SH2D4B: variants seen among roughly 807,000 people sequenced by gnomAD.
SH2D4B encodes SH2 domain-containing protein 4B.
In SH2D4B, 45 loss-of-function variants were observed where a neutral mutation model predicts 61.5. The ratio of observed to expected loss-of-function variants is 0.73; its 90% CI spans 0.58 to 0.94. The LOEUF (loss-of-function observed/expected upper bound fraction) is 0.94. Ranked by LOEUF, SH2D4B falls within the 40% of genes least tolerant of loss-of-function variation. The pLI is 0.00. For synonymous variants in SH2D4B, 224 were observed against 220.4 expected (o/e 1.02, Z -0.14); for missense variants, 572 against 574.2 (o/e 1.00, Z 0.04).
intron 1 of SH2D4B, 34 bp from the exon 2 acceptor site, chr10:80,570,120 A>C (rs1487550878): frequency 6.2e-7 from 1 of 1,613,412 alleles, no homozygotes; most frequent in African/African-American, 1.3e-5. Flanking sequence ...ATTGAAAATC[A>C]AACTTGTTTC....
intron 6 of SH2D4B, among the ~76,000 whole-genome samples, chr10:80,615,977 C>T (rs769454211): frequency 6.6e-6 from 1 of 152,144 alleles, no homozygotes; most frequent in Admixed American, 6.5e-5. Context: ...CATGGTGGCA[C>T]ATCAGGAACC....
At chr10:80,571,317 A>G in intron 2 of SH2D4B, 114 bp from the exon 3 acceptor site, 2 of 1,249,798 alleles carry the variant, frequency 1.6e-6, no homozygotes, top group Non-Finnish European at 2.2e-6. Context: ...CTTTGCCAAC[A>G]CCGAATTCTG....
chr10:80,599,229 C>A (rs1589351185), intron 4 of SH2D4B, among the ~76,000 whole-genome samples: 1 of 151,982 alleles, frequency 6.6e-6, no homozygotes, highest in Non-Finnish European at 1.5e-5. Context: ...AGAGTCTGGG[C>A]TGGGAGTGGA....
intron 3 of SH2D4B, among the ~76,000 whole-genome samples, chr10:80,586,183 G>A (rs991827826): frequency 3.9e-5 from 6 of 152,110 alleles, no homozygotes; most frequent in Non-Finnish European, 5.9e-5. Context: ...CTGTGCCGCC[G>A]AGCCTCCACG....
chr10:80,575,849 T>C (rs1011728386), intron 3 of SH2D4B, among the ~76,000 whole-genome samples: 4 of 152,212 alleles, frequency 2.6e-5, no homozygotes, highest in Admixed American at 6.5e-5. Flanking sequence ...AAAGTCATTT[T>C]CACACCTATT....
Position 80,561,544 on chromosome 10 carries a change from T to G in SH2D4B, c.185-8610T>G, listed in dbSNP as rs539999988. ...AATAAACCAATGGATTTTCAACTTA[T>G]TTTGCTTTTTAAATATTAAACTTTT... is the stretch of plus-strand genomic sequence containing the variant. On this transcript the variant is annotated intron_variant, in intron 1 of 7. Coordinates refer to ENST00000646907, the MANE Select transcript of SH2D4B (RefSeq NM_001388272.1). Among the ~76,000 whole-genome samples, 3 of 152,348 alleles carry G rather than the reference T, an allele frequency of 2.0e-5. No individual in the cohort carries two copies. The East Asian group carries it at 5.8e-4, about 29-fold the overall frequency.
chr10:80,545,923 A>G (rs1467923236), intron 1 of SH2D4B, among the ~76,000 whole-genome samples: 2 of 152,164 alleles, frequency 1.3e-5, no homozygotes, highest in Non-Finnish European at 2.9e-5. Flanking sequence ...ATACAATAAT[A>G]TATGTATAAG....
At chr10:80,549,622 G>A (rs796093303) in intron 1 of SH2D4B, among the ~76,000 whole-genome samples, 71 of 152,362 alleles carry the variant, frequency 4.7e-4, no homozygotes, top group African/African-American at 1.4e-3. Flanking sequence ...TCCACCCGGC[G>A]TGCACAGCAC....
chr10:80,611,114 G>A (rs1346334681), intron 6 of SH2D4B, among the ~76,000 whole-genome samples: 1 of 139,616 alleles, frequency 7.2e-6, no homozygotes, highest in Non-Finnish European at 1.5e-5. Flanking sequence ...GGCAGAGGTT[G>A]CAGAGAGCCG....
chr10:80,613,297 A>G (rs1842624015), intron 6 of SH2D4B, among the ~76,000 whole-genome samples: 1 of 152,260 alleles, frequency 6.6e-6, no homozygotes, highest in Admixed American at 6.5e-5. Context: ...GCTAGTACAT[A>G]TAACCTTGGC....
intron 4 of SH2D4B, among the ~76,000 whole-genome samples, chr10:80,599,617 C>G (rs1029904532): frequency 4.6e-5 from 7 of 152,188 alleles, no homozygotes; most frequent in African/African-American, 1.7e-4. Flanking sequence ...TGGCAGCCAT[C>G]AGGCGTTGCC....
chr10:80,579,687 A>C (rs187022947), intron 3 of SH2D4B, among the ~76,000 whole-genome samples: 1 of 151,558 alleles, frequency 6.6e-6, no homozygotes, highest in Admixed American at 6.6e-5. Context: ...TTTCTATTCA[A>C]GGCCACTCCC....
intron 1 of SH2D4B, among the ~76,000 whole-genome samples, chr10:80,551,422 A>G (rs1396788174): frequency 6.6e-6 from 1 of 152,240 alleles, no homozygotes; most frequent in Admixed American, 6.5e-5. Flanking sequence ...AACTGGATTT[A>G]AATAGAAAAA....
chr10:80,596,310 C>G (rs955891217), intron 4 of SH2D4B, among the ~76,000 whole-genome samples: 2 of 152,148 alleles, frequency 1.3e-5, no homozygotes, highest in Non-Finnish European at 2.9e-5. Flanking sequence ...AAAACTGTGC[C>G]CTCACTAAAT....
intron 6 of SH2D4B, among the ~76,000 whole-genome samples, chr10:80,624,565 T>G (rs926803598): frequency 6.6e-6 from 1 of 152,264 alleles, no homozygotes; most frequent in Non-Finnish European, 1.5e-5. Flanking sequence ...GCAAGACTAC[T>G]GACTTTCTAG....
rs545544549 is a variant in SH2D4B, at chr10:80,559,739, A to T, written c.185-10415A>T. Among the ~76,000 whole-genome samples the T allele has an allele frequency of 2.8e-4, 42 of 151,238 alleles. No homozygotes were observed. In the East Asian group the frequency reaches 7.2e-3, roughly 26 times the overall value. Reference sequence around the variant, plus strand: ...TGTAGCCTTGACCTCCTGGGCTCAAAGGATCCTCCTGCCTAAGCCTCCCGA... The same window carrying T: ...TGTAGCCTTGACCTCCTGGGCTCAATGGATCCTCCTGCCTAAGCCTCCCGA... On this transcript the variant is annotated intron_variant, in intron 1 of 7. Transcript: ENST00000646907.
At chr10:80,548,195 C>T (rs971150399) in intron 1 of SH2D4B, among the ~76,000 whole-genome samples, 3 of 152,178 alleles carry the variant, frequency 2.0e-5, no homozygotes, top group African/African-American at 7.2e-5. Context: ...TAGACAGTTT[C>T]ACTCTGTCGC....
At chr10:80,573,006 T>G (rs1842080926) in intron 3 of SH2D4B, among the ~76,000 whole-genome samples, 1 of 84,074 alleles carries the variant, frequency 1.2e-5, no homozygotes, top group African/African-American at 4.1e-5. Flanking sequence ...TTTTTTTTTT[T>G]TTTTTTTTTT....
At chr10:80,627,244 G>C (rs115950576) in intron 6 of SH2D4B, among the ~76,000 whole-genome samples, 1 of 152,132 alleles carries the variant, frequency 6.6e-6, no homozygotes, top group South Asian at 2.1e-4. Context: ...GCTCTGAACC[G>C]TAATCCTTCA....
Sources: gnomAD v4.1 joint callset for allele counts (sites outside exome capture counted in the v4.1 genomes callset) on GRCh38, gnomAD v4.1.1 for gene constraint, MANE v1.5 for transcripts, NCBI Gene and HGNC (gene_info 2026-07-23, HGNC 2026-07-21) for gene names.